The following CNTNAP2 variants were observed in gnomAD, a reference collection of about 807,000 sequenced individuals.
CNTNAP2 encodes contactin-associated protein-like 2.
CNTNAP2 carries 98 observed loss-of-function variants against 155.2 expected under a neutral mutation model. That is an observed-to-expected ratio of 0.63 (90% confidence interval 0.54 to 0.75). The LOEUF (loss-of-function observed/expected upper bound fraction) is 0.75, where lower values mean the gene tolerates loss of function less well. CNTNAP2 is among the 30% of genes least tolerant of loss of function. CNTNAP2 has a pLI of 0.00. For missense variants in CNTNAP2, 1,727 were observed against 1,688.1 expected (o/e 1.02, Z -0.40); for synonymous variants, 651 against 631.2 (o/e 1.03, Z -0.47).
At chr7:148,193,521 G>C (rs2116720641) in intron 18 of CNTNAP2, among the ~76,000 whole-genome samples, 1 of 152,274 alleles carries the variant, frequency 6.6e-6, no homozygotes, top group South Asian at 2.1e-4. Context: ...ACAAGGGCAA[G>C]TGTGCCTGGG....
chr7:147,291,206 G>A (rs1306333936), intron 8 of CNTNAP2, among the ~76,000 whole-genome samples: 6 of 151,770 alleles, frequency 4.0e-5, no homozygotes, highest in African/African-American at 7.3e-5. Flanking sequence ...CGAACGTACA[G>A]GTTTGTTATA....
At chr7:148,045,429 G>A (rs1802758684) in intron 15 of CNTNAP2, among the ~76,000 whole-genome samples, 1 of 151,524 alleles carries the variant, frequency 6.6e-6, no homozygotes, top group African/African-American at 2.4e-5. Flanking sequence ...TGCAGCGGGA[G>A]GGGTCTTGGG....
At chr7:147,325,444 C>T (rs116228960) in intron 9 of CNTNAP2, among the ~76,000 whole-genome samples, 3,640 of 152,106 alleles carry the variant, frequency 0.024, 153 homozygotes, top group African/African-American at 0.083. Flanking sequence ...TTTAATTATG[C>T]GGTTCTTGCT....
At chr7:146,975,919 T>A (rs977228309) in intron 3 of CNTNAP2, among the ~76,000 whole-genome samples, 1 of 152,174 alleles carries the variant, frequency 6.6e-6, no homozygotes, top group African/African-American at 2.4e-5. Context: ...GGGAGACAGA[T>A]GATCCTGTAA....
At chr7:146,991,252 A>AAATG in intron 3 of CNTNAP2, among the ~76,000 whole-genome samples, 1 of 152,312 alleles carries the variant, frequency 6.6e-6, no homozygotes, top group Admixed American at 6.5e-5. Flanking sequence ...TAAATCATTT[A>AAATG]ATTTAGAATA....
intron 1 of CNTNAP2, among the ~76,000 whole-genome samples, chr7:146,759,733 T>A (rs1178045914): frequency 8.4e-6 from 1 of 118,876 alleles, no homozygotes; most frequent in East Asian, 2.5e-4. Flanking sequence ...TGGGGTGGGG[T>A]GTGAGAGCAA....
At chr7:146,461,805 G>C (rs1796641469) in intron 1 of CNTNAP2, among the ~76,000 whole-genome samples, 1 of 152,150 alleles carries the variant, frequency 6.6e-6, no homozygotes, top group African/African-American at 2.4e-5. Flanking sequence ...GTCACATAAT[G>C]CTTTCACATA....
intron 13 of CNTNAP2, among the ~76,000 whole-genome samples, chr7:147,725,677 C>G (rs1796628629): frequency 6.6e-6 from 1 of 152,070 alleles, no homozygotes. Flanking sequence ...AGAGCCACCC[C>G]AAACAGGGCA....
At chr7:148,315,374 AG>A (rs1308415023) in intron 21 of CNTNAP2, among the ~76,000 whole-genome samples, 2 of 151,932 alleles carry the variant, frequency 1.3e-5, no homozygotes, top group African/African-American at 4.8e-5. Context: ...TTACAGTCAA[AG>A]GGGGGTTGTT....
intron 17 of CNTNAP2, among the ~76,000 whole-genome samples, chr7:148,149,327 C>T (rs189753664): frequency 4.3e-4 from 65 of 151,900 alleles, no homozygotes; most frequent in African/African-American, 1.5e-3. Flanking sequence ...AAGAAGGTGA[C>T]CCAATAATAA....
chr7:146,525,370 G>A (rs972864965), intron 1 of CNTNAP2, among the ~76,000 whole-genome samples: 1 of 152,086 alleles, frequency 6.6e-6, no homozygotes, highest in African/African-American at 2.4e-5. Flanking sequence ...AACACAAATG[G>A]CATAACTATT....
At chr7:147,440,333 A>C (rs758848279) in intron 10 of CNTNAP2, among the ~76,000 whole-genome samples, 2 of 151,932 alleles carry the variant, frequency 1.3e-5, no homozygotes, top group Non-Finnish European at 2.9e-5. Flanking sequence ...ATAAACAAGC[A>C]AGCAAAAGGA....
At chr7:148,092,808 T>G (rs1299965744) in intron 15 of CNTNAP2, among the ~76,000 whole-genome samples, 1 of 151,498 alleles carries the variant, frequency 6.6e-6, no homozygotes, top group Non-Finnish European at 1.5e-5. Context: ...AAAGAGCTTG[T>G]TTAAAGTATG....
chr7:148,160,170 G>A (rs1805491175), intron 17 of CNTNAP2, among the ~76,000 whole-genome samples: 1 of 152,122 alleles, frequency 6.6e-6, no homozygotes, highest in South Asian at 2.1e-4. Context: ...AGCCCAGGAG[G>A]TCTAGGCTGC....
At chr7:147,729,426 A>ACG (rs761878263) in intron 13 of CNTNAP2, among the ~76,000 whole-genome samples, 2,378 of 20,340 alleles carry the variant, frequency 0.12, 32 homozygotes, top group Non-Finnish European at 0.14. Flanking sequence ...GCACACACAC[A>ACG]CGCACACACA....
chr7:146,373,405 TACAC>T lies in CNTNAP2; in HGVS notation c.97+256457_97+256460del, dbSNP rs3050924. ...AGAAAAATAAAAGGAACTTAACACA[TACAC>T]ACACACACACACACACACACACACT... On this transcript the variant is annotated intron_variant, in intron 1 of 23. Transcript: ENST00000361727. Among the ~76,000 whole-genome samples the T allele has an allele frequency of 5.6e-4, 80 of 143,610 alleles. 1 individual carries two copies. Among genetic ancestry groups the T allele is most frequent in the East Asian group, 2.3e-3 (11 of 4,844 alleles). 94.2% of individuals were successfully genotyped at this position (143,610 alleles called of 152,430 possible). A position where few individuals can be genotyped will look rare whatever the true frequency, so the allele number is the denominator to read the frequency against.
At position 147,542,572 on chromosome 7, in the gene CNTNAP2, A is replaced by T. The variant is rs186968270; in HGVS notation, c.1778-19566A>T. Among the ~76,000 whole-genome samples the T allele has an allele frequency of 5.0e-3, 762 of 152,350 alleles. 25 individuals are homozygous for T. The highest frequency in any genetic ancestry group is 0.044 in the Admixed American group (673 of 15,296). Reference sequence around the variant, plus strand: ...TTGTGTAGGGCATATATGTTCACATAGTCATATGCTTATGTTAAGTTTACA... The same window carrying T: ...TTGTGTAGGGCATATATGTTCACATTGTCATATGCTTATGTTAAGTTTACA... On this transcript the variant is annotated intron_variant, in intron 11 of 23. Transcript: ENST00000361727.
At chr7:146,507,005 C>A (rs1797394201) in intron 1 of CNTNAP2, among the ~76,000 whole-genome samples, 1 of 152,160 alleles carries the variant, frequency 6.6e-6, no homozygotes, top group Non-Finnish European at 1.5e-5. Context: ...CCCAAGACTT[C>A]TTATAATTCT....
chr7:147,516,385 G>A (rs564611888), intron 11 of CNTNAP2, among the ~76,000 whole-genome samples: 106 of 152,184 alleles, frequency 7.0e-4, no homozygotes, highest in African/African-American at 2.2e-3. Flanking sequence ...GCTTATTTCC[G>A]TGTTAAAATG....
Sources: allele counts gnomAD v4.1 joint callset (sites outside exome capture counted in the v4.1 genomes callset), GRCh38; gene constraint gnomAD v4.1.1; transcripts MANE v1.5; gene names NCBI Gene and HGNC (gene_info 2026-07-23, HGNC 2026-07-21).